RBFOX1: variants seen among roughly 807,000 people sequenced by gnomAD.
RBFOX1 encodes the protein RNA binding fox-1 homolog 1.
A neutral mutation model predicts 57.7 loss-of-function variants in RBFOX1; 8 were observed. The ratio of observed to expected loss-of-function variants is 0.14; its 90% confidence interval spans 0.08 to 0.25. The LOEUF (loss-of-function observed/expected upper bound fraction) is 0.25. Among genes scored for constraint, RBFOX1 ranks in the 10% least tolerant of loss-of-function variants. The probability of loss-of-function intolerance (pLI) is 1.00; values close to 1 mark genes in which losing one functional copy is unlikely to be tolerated. For missense variants in RBFOX1, 611 were observed against 548.5 expected, an observed-to-expected ratio of 1.11 and a Z score of -1.14; for synonymous variants, 326 against 222.4, an observed-to-expected ratio of 1.47 and a Z score of -4.15.
intron 5 of RBFOX1, among the ~76,000 whole-genome samples, chr16:7,550,424 G>A (rs749513340): frequency 2.6e-5 from 4 of 152,150 alleles, no homozygotes; most frequent in African/African-American, 4.8e-5. Flanking sequence ...AGAGCCCGTG[G>A]AATGTTTGTA....
chr16:6,074,914 A>C (rs972828844), intron 1 of RBFOX1, among the ~76,000 whole-genome samples: 17 of 152,302 alleles, frequency 1.1e-4, no homozygotes, highest in African/African-American at 4.1e-4. Flanking sequence ...CAGCCTAGGC[A>C]ACATAGCAAG....
intron 3 of RBFOX1, among the ~76,000 whole-genome samples, chr16:6,982,149 G>T (rs1369038701): frequency 6.6e-6 from 1 of 152,154 alleles, no homozygotes; most frequent in Non-Finnish European, 1.5e-5. Context: ...AGTTATCCAT[G>T]TTTATGGTAT....
At chr16:7,555,589 CT>C (rs2088122417) in intron 5 of RBFOX1, among the ~76,000 whole-genome samples, 1 of 152,114 alleles carries the variant, frequency 6.6e-6, no homozygotes, top group Non-Finnish European at 1.5e-5. Context: ...CCTGCGTGAC[CT>C]GTTTCTGTGC....
intron 3 of RBFOX1, among the ~76,000 whole-genome samples, chr16:6,877,902 G>C (rs937586994): frequency 6.6e-6 from 1 of 152,156 alleles, no homozygotes; most frequent in Non-Finnish European, 1.5e-5. Context: ...TAAGAACTTA[G>C]GATCTTGCGA....
intron 4 of RBFOX1, among the ~76,000 whole-genome samples, chr16:7,369,996 C>T (rs935954526): frequency 2.0e-5 from 3 of 152,162 alleles, no homozygotes; most frequent in African/African-American, 4.8e-5. Context: ...TTTCTGATCC[C>T]AGAATTCATA....
intron 3 of RBFOX1, among the ~76,000 whole-genome samples, chr16:5,764,149 G>T (rs913066264): frequency 1.2e-5 from 1 of 85,568 alleles, no homozygotes; most frequent in African/African-American, 3.3e-5. Flanking sequence ...GGGGCAGTAG[G>T]GTGTGGGTAG....
Position 7,337,488 on chromosome 16 carries a change from A to C in RBFOX1, c.28-180659A>C, listed in dbSNP as rs191057002. Reference sequence around the variant, plus strand: ...AGATAGAGCCTTGGCGTCTTTTCCAACTTACTGCCACTGTAGGATGTGACG... The same window carrying C: ...AGATAGAGCCTTGGCGTCTTTTCCACCTTACTGCCACTGTAGGATGTGACG... On this transcript the variant is annotated intron_variant, in intron 4 of 15. Transcript: ENST00000550418. Among the ~76,000 whole-genome samples the C allele has an allele frequency of 5.3e-5, 8 of 152,236 alleles. No individual in the cohort carries two copies. The East Asian group carries it at 1.4e-3, about 26-fold the overall frequency.
intron 4 of RBFOX1, among the ~76,000 whole-genome samples, chr16:7,192,151 T>C (rs1198185878): frequency 1.3e-5 from 2 of 152,208 alleles, no homozygotes; most frequent in Admixed American, 1.3e-4. Context: ...GGGTAGGTAG[T>C]AGAAGGAATT....
At chr16:5,639,847 C>T (rs2048803461) in intron 3 of RBFOX1, among the ~76,000 whole-genome samples, 2 of 152,198 alleles carry the variant, frequency 1.3e-5, no homozygotes, top group Non-Finnish European at 2.9e-5. Flanking sequence ...GTTTCTTCAT[C>T]TTGTGCCTTT....
chr16:7,195,180 G>A (rs2086394257), intron 4 of RBFOX1, among the ~76,000 whole-genome samples: 1 of 152,180 alleles, frequency 6.6e-6, no homozygotes, highest in African/African-American at 2.4e-5. Flanking sequence ...AGCCATATTA[G>A]GAGTTGGGGT....
At chr16:5,461,077 T>A (rs1240748783) in intron 1 of RBFOX1, among the ~76,000 whole-genome samples, 2 of 152,182 alleles carry the variant, frequency 1.3e-5, no homozygotes, top group Admixed American at 6.5e-5. Flanking sequence ...AAGGGGCTCC[T>A]GCAGTTTTGC....
chr16:5,596,641 G>T (rs1489659304), intron 2 of RBFOX1, among the ~76,000 whole-genome samples: 2 of 152,166 alleles, frequency 1.3e-5, no homozygotes, highest in Non-Finnish European at 2.9e-5. Context: ...CTTGTCACTG[G>T]GTTGAAATCT....
intron 4 of RBFOX1, among the ~76,000 whole-genome samples, chr16:5,890,658 C>T (rs982610015): frequency 1.3e-4 from 19 of 142,918 alleles, no homozygotes; most frequent in African/African-American, 5.0e-4. Context: ...GATCATACCA[C>T]TGCACTCTAG....
chr16:6,973,506 T>C (rs529182008), intron 3 of RBFOX1, among the ~76,000 whole-genome samples: 3 of 152,226 alleles, frequency 2.0e-5, no homozygotes, highest in Non-Finnish European at 2.9e-5. Context: ...GAAATGCTCC[T>C]ATTTCTAGGA....
At chr16:7,060,794 A>T (rs1430141268) in intron 4 of RBFOX1, among the ~76,000 whole-genome samples, 1 of 152,146 alleles carries the variant, frequency 6.6e-6, no homozygotes, top group African/African-American at 2.4e-5. Flanking sequence ...CCCCTCACTT[A>T]AGAAAAGTCT....
At chr16:6,207,686 T>C (rs899434347) in intron 1 of RBFOX1, among the ~76,000 whole-genome samples, 2 of 152,090 alleles carry the variant, frequency 1.3e-5, no homozygotes, top group Non-Finnish European at 2.9e-5. Flanking sequence ...AGACATTTTA[T>C]TTTATTTTAT....
chr16:7,019,064 G>C (rs1045275160), intron 3 of RBFOX1, among the ~76,000 whole-genome samples: 2 of 151,704 alleles, frequency 1.3e-5, no homozygotes, highest in African/African-American at 4.8e-5. Context: ...GTTTTTAGAA[G>C]TGTGTGTGTG....
chr16:5,922,175 C>T (rs577230868), intron 4 of RBFOX1, among the ~76,000 whole-genome samples: 2 of 152,012 alleles, frequency 1.3e-5, no homozygotes, highest in South Asian at 2.1e-4. Context: ...AAGAAACAAA[C>T]CCCCAAACCC....
At chr16:7,695,807 TTC>T (rs1477331692) in intron 14 of RBFOX1, among the ~76,000 whole-genome samples, 2 of 152,062 alleles carry the variant, frequency 1.3e-5, no homozygotes, top group Non-Finnish European at 2.9e-5. Context: ...AAAAGACAAG[TTC>T]TCTATTTTTA....
Sources: allele counts gnomAD v4.1 joint callset (sites outside exome capture counted in the v4.1 genomes callset), GRCh38; gene constraint gnomAD v4.1.1; transcripts MANE v1.5; gene names NCBI Gene and HGNC (gene_info 2026-07-23, HGNC 2026-07-21).